The following HEMK2 variants were observed in gnomAD, a reference collection of about 807,000 sequenced individuals.
The protein encoded by HEMK2 is methyltransferase HEMK2.
chr21:28,826,147 C>A, the HEMK2 span, among the ~76,000 whole-genome samples: 2 of 152,362 alleles, frequency 1.3e-5, no homozygotes, highest in African/African-American at 2.4e-5. Flanking sequence ...AAGTTCAGCA[C>A]AAACAGAACC....
chr21:28,698,226 G>A, the HEMK2 span, among the ~76,000 whole-genome samples: 2 of 152,210 alleles, frequency 1.3e-5, no homozygotes, highest in African/African-American at 4.8e-5. Flanking sequence ...GAGCTCTGGA[G>A]CCAACTGTGT....
chr21:28,884,703 G>C, the HEMK2 span, among the ~76,000 whole-genome samples: 1 of 152,272 alleles, frequency 6.6e-6, no homozygotes, highest in African/African-American at 2.4e-5. Flanking sequence ...GTGAGGACTG[G>C]CTGGTGCTAG....
At chr21:28,835,070 G>T in the HEMK2 span, among the ~76,000 whole-genome samples, 2 of 152,048 alleles carry the variant, frequency 1.3e-5, no homozygotes, top group African/African-American at 4.8e-5. Context: ...CCCTGGTCAC[G>T]GAAGACAAAG....
At chr21:28,774,102 A>C in the HEMK2 span, among the ~76,000 whole-genome samples, 8 of 152,282 alleles carry the variant, frequency 5.3e-5, no homozygotes, top group East Asian at 1.2e-3. Flanking sequence ...CAAACTACTT[A>C]ACTTCTCAAA....
the HEMK2 span, among the ~76,000 whole-genome samples, chr21:28,642,801 C>A: frequency 1.3e-5 from 2 of 152,184 alleles, no homozygotes; most frequent in Non-Finnish European, 2.9e-5. Context: ...TCTCTGCTCA[C>A]TGCTCAGCTG....
the HEMK2 span, among the ~76,000 whole-genome samples, chr21:28,842,526 T>C: frequency 6.6e-6 from 1 of 152,142 alleles, no homozygotes; most frequent in Non-Finnish European, 1.5e-5. Flanking sequence ...TCCTTCCTGA[T>C]GACTCGTAGA....
the HEMK2 span, among the ~76,000 whole-genome samples, chr21:28,662,085 G>A: frequency 6.6e-6 from 1 of 152,072 alleles, no homozygotes; most frequent in Non-Finnish European, 1.5e-5. Context: ...GTCATCTCTA[G>A]AGCTGAGGGA....
chr21:28,586,956 G>A, the HEMK2 span, among the ~76,000 whole-genome samples: 10 of 152,080 alleles, frequency 6.6e-5, no homozygotes, highest in African/African-American at 1.9e-4. Context: ...GGATTTCAAC[G>A]TATGAAACGT....
At chr21:28,877,005 GAGGAAGGA>G in the HEMK2 span, among the ~76,000 whole-genome samples, 8 of 34,548 alleles carry the variant, frequency 2.3e-4, no homozygotes, top group African/African-American at 8.5e-4. Context: ...GGGAGGGAGG[GAGGAAGGA>G]AGGAAGGAAG....
At chr21:28,729,980 G>T in the HEMK2 span, among the ~76,000 whole-genome samples, 2 of 152,010 alleles carry the variant, frequency 1.3e-5, no homozygotes, top group Non-Finnish European at 2.9e-5. Context: ...ACATCTGAGG[G>T]GCAAAGGGCT....
the HEMK2 span, among the ~76,000 whole-genome samples, chr21:28,692,010 A>G: frequency 6.6e-6 from 1 of 152,230 alleles, no homozygotes; most frequent in Non-Finnish European, 1.5e-5. Context: ...TGACTGGAAC[A>G]AATGTTCTAC....
chr21:28,831,626 A>AGAAGGAAG, the HEMK2 span, among the ~76,000 whole-genome samples: 1 of 73,298 alleles, frequency 1.4e-5, no homozygotes, highest in African/African-American at 8.9e-5. Flanking sequence ...AAAGAAGGAA[A>AGAAGGAAG]GAAGGAAGGA....
the HEMK2 span, among the ~76,000 whole-genome samples, chr21:28,806,310 T>C: frequency 3.8e-4 from 58 of 152,344 alleles, no homozygotes; most frequent in African/African-American, 1.3e-3. Flanking sequence ...GAATTTAATA[T>C]GCTGGTTCAT....
At chr21:28,868,696 AG>A in the HEMK2 span, among the ~76,000 whole-genome samples, 1 of 152,214 alleles carries the variant, frequency 6.6e-6, no homozygotes, top group African/African-American at 2.4e-5. Context: ...AAAACAAAAA[AG>A]TATTTTAATC....
At chr21:28,803,268 C>G in the HEMK2 span, among the ~76,000 whole-genome samples, 1 of 152,228 alleles carries the variant, frequency 6.6e-6, no homozygotes, top group African/African-American at 2.4e-5. Flanking sequence ...GGTGCTGATC[C>G]CAAGGGATTA....
the HEMK2 span, among the ~76,000 whole-genome samples, chr21:28,687,126 T>C: frequency 2.6e-5 from 4 of 152,364 alleles, no homozygotes; most frequent in African/African-American, 9.6e-5. Context: ...ATCTGAACTG[T>C]GCTGCCCTGC....
At chr21:28,768,581 C>T in the HEMK2 span, among the ~76,000 whole-genome samples, 2 of 152,024 alleles carry the variant, frequency 1.3e-5, no homozygotes, top group Non-Finnish European at 2.9e-5. Flanking sequence ...GCCTACCACC[C>T]ACTCCTGGAT....
At chr21:28,654,090 C>T in the HEMK2 span, among the ~76,000 whole-genome samples, 3 of 152,224 alleles carry the variant, frequency 2.0e-5, no homozygotes, top group South Asian at 2.1e-4. Context: ...GAAAGTACAG[C>T]AACCATGAAG....
At chr21:28,702,451 T>G in the HEMK2 span, among the ~76,000 whole-genome samples, 1 of 151,398 alleles carries the variant, frequency 6.6e-6, no homozygotes, top group Admixed American at 6.6e-5. Flanking sequence ...ATAAGGAGCT[T>G]AAATCAATAA....
Sources: gnomAD v4.1 joint callset for allele counts (sites outside exome capture counted in the v4.1 genomes callset) on GRCh38, gnomAD v4.1.1 for gene constraint, MANE v1.5 for transcripts, NCBI Gene and HGNC (gene_info 2026-07-23, HGNC 2026-07-21) for gene names.